Variants in TNFSF4 observed in about 807,000 individuals in gnomAD.
The protein encoded by TNFSF4 is tumor necrosis factor ligand superfamily member 4.
TNFSF4 carries 4 observed loss-of-function variants against 7.3 expected under a neutral mutation model. The observed-to-expected ratio is 0.55, with a 90% CI of 0.27 to 1.25. The LOEUF (loss-of-function observed/expected upper bound fraction) is 1.25. Ranked by LOEUF, TNFSF4 falls within the 50% of genes most tolerant of loss-of-function variation. The pLI, the probability that TNFSF4 is intolerant of heterozygous loss-of-function variation, is 0.12. For synonymous variants in TNFSF4, 76 were observed against 83.7 expected (o/e 0.91, Z 0.50); for missense variants, 181 against 208.8 (o/e 0.87, Z 0.82).
the TNFSF4 span, among the ~76,000 whole-genome samples, chr1:173,274,666 C>A: frequency 6.0e-4 from 92 of 152,122 alleles, no homozygotes; most frequent in African/African-American, 2.0e-3. Context: ...TTTTCTCCAG[C>A]TGATCCCAGA....
chr1:173,318,646 C>A, the TNFSF4 span, among the ~76,000 whole-genome samples: 1 of 152,036 alleles, frequency 6.6e-6, no homozygotes, highest in East Asian at 1.9e-4. Flanking sequence ...ATGGGAATAC[C>A]TAGTTCTGGT....
chr1:173,270,547 G>T, the TNFSF4 span, among the ~76,000 whole-genome samples: 1 of 152,070 alleles, frequency 6.6e-6, no homozygotes, highest in East Asian at 1.9e-4. Context: ...AAATAGTATA[G>T]GGAAATATGG....
At chr1:173,425,839 G>A in the TNFSF4 span, among the ~76,000 whole-genome samples, 2 of 152,198 alleles carry the variant, frequency 1.3e-5, no homozygotes, top group Non-Finnish European at 2.9e-5. Flanking sequence ...TTCATTCCTT[G>A]TAAATCTCTT....
chr1:173,176,677 T>C, the TNFSF4 span, among the ~76,000 whole-genome samples: 57 of 152,266 alleles, frequency 3.7e-4, no homozygotes, highest in Middle Eastern at 3.4e-3. Context: ...TAGATACATA[T>C]GTTCATCACA....
the TNFSF4 span, among the ~76,000 whole-genome samples, chr1:173,307,124 ATGCT>A: frequency 6.6e-6 from 1 of 151,952 alleles, no homozygotes. Flanking sequence ...ACTTTATAAA[ATGCT>A]TTATTTATTA....
the TNFSF4 span, among the ~76,000 whole-genome samples, chr1:173,277,137 G>C: frequency 6.6e-6 from 1 of 152,226 alleles, no homozygotes; most frequent in East Asian, 1.9e-4. Flanking sequence ...AAAAAAGAAA[G>C]CAGCACGTGG....
At chr1:173,280,047 C>G in the TNFSF4 span, among the ~76,000 whole-genome samples, 3 of 152,210 alleles carry the variant, frequency 2.0e-5, no homozygotes, top group Middle Eastern at 0.01. Flanking sequence ...AGTCTTTCCT[C>G]TGTTTTATAC....
At chr1:173,327,248 C>G in the TNFSF4 span, among the ~76,000 whole-genome samples, 4 of 151,872 alleles carry the variant, frequency 2.6e-5, no homozygotes, top group African/African-American at 7.3e-5. Context: ...ACAAACCTGA[C>G]AAAAACAAGC....
At chr1:173,206,566 A>G (rs1650201381) in intron 1 of TNFSF4, among the ~76,000 whole-genome samples, 1 of 152,254 alleles carries the variant, frequency 6.6e-6, no homozygotes, top group African/African-American at 2.4e-5. Flanking sequence ...TGATACCTTC[A>G]GCATTCTTTA....
the TNFSF4 span, among the ~76,000 whole-genome samples, chr1:173,240,890 T>C: frequency 3.9e-5 from 6 of 152,228 alleles, no homozygotes; most frequent in Non-Finnish European, 7.3e-5. Context: ...AGTAGTATTG[T>C]TATTTTGAAC....
chr1:173,323,834 C>G, the TNFSF4 span, among the ~76,000 whole-genome samples: 1 of 152,098 alleles, frequency 6.6e-6, no homozygotes, highest in Non-Finnish European at 1.5e-5. Flanking sequence ...AAAAAATGAA[C>G]AAAGCCTGCA....
the TNFSF4 span, among the ~76,000 whole-genome samples, chr1:173,397,915 T>C: frequency 1.3e-5 from 2 of 152,160 alleles, no homozygotes; most frequent in South Asian, 2.1e-4. Context: ...AGATGGGTCT[T>C]GGGGAATGAC....
the TNFSF4 span, among the ~76,000 whole-genome samples, chr1:173,352,264 G>A: frequency 6.6e-6 from 1 of 152,190 alleles, no homozygotes; most frequent in East Asian, 1.9e-4. Context: ...CTTCTAAAGT[G>A]ATCTCATTAA....
At chr1:173,207,954 T>G (rs1571207458), upstream of TNFSF4, among the ~76,000 whole-genome samples, 1 of 152,362 alleles carries the variant, frequency 6.6e-6, no homozygotes, top group East Asian at 1.9e-4. Context: ...ATATGATTAA[T>G]TTTCTGCATA....
At chr1:173,244,708 G>T in the TNFSF4 span, among the ~76,000 whole-genome samples, 1 of 151,712 alleles carries the variant, frequency 6.6e-6, no homozygotes, top group Non-Finnish European at 1.5e-5. Context: ...AAAATTGGGG[G>T]TAGCACATGG....
the TNFSF4 span, among the ~76,000 whole-genome samples, chr1:173,223,046 A>G: frequency 6.6e-6 from 1 of 152,196 alleles, no homozygotes; most frequent in Non-Finnish European, 1.5e-5. Flanking sequence ...AGCTTTGGAG[A>G]CAGGCTGGCT....
chr1:173,394,919 G>GAT, the TNFSF4 span, among the ~76,000 whole-genome samples: 187 of 150,122 alleles, frequency 1.2e-3, no homozygotes, highest in African/African-American at 4.4e-3. Context: ...TAGATAGATA[G>GAT]AGATAGATAG....
the TNFSF4 span, among the ~76,000 whole-genome samples, chr1:173,258,597 C>A: frequency 6.6e-6 from 1 of 152,160 alleles, no homozygotes. Context: ...TTGGAAACTG[C>A]CTAAGATGAC....
chr1:173,357,291 T>C, the TNFSF4 span, among the ~76,000 whole-genome samples: 1 of 152,084 alleles, frequency 6.6e-6, no homozygotes, highest in Admixed American at 6.6e-5. Context: ...GTAGTGCCTA[T>C]TTGGAAGATT....
Sources: gnomAD v4.1 joint callset for allele counts (sites outside exome capture counted in the v4.1 genomes callset) on GRCh38, gnomAD v4.1.1 for gene constraint, MANE v1.5 for transcripts, NCBI Gene and HGNC (gene_info 2026-07-23, HGNC 2026-07-21) for gene names.